The following CDH20 variants were observed in gnomAD, a reference collection of about 807,000 sequenced individuals.
CDH20 encodes cadherin-20.
CDH20 carries 29 observed loss-of-function variants against 74.2 expected under a neutral mutation model. The ratio of observed to expected loss-of-function variants is 0.39; its 90% CI spans 0.29 to 0.53. The LOEUF (loss-of-function observed/expected upper bound fraction) is 0.53. Ranked by LOEUF, CDH20 falls within the 20% of genes least tolerant of loss-of-function variation. The pLI is 0.69. For synonymous variants in CDH20, 469 were observed against 405.4 expected (o/e 1.16, Z -1.88); for missense variants, 988 against 1,048.3 (o/e 0.94, Z 0.79).
intron 1 of CDH20, among the ~76,000 whole-genome samples, chr18:61,435,077 A>T (rs929738875): frequency 6.6e-6 from 1 of 152,100 alleles, no homozygotes; most frequent in Non-Finnish European, 1.5e-5. Context: ...TTCTCACTAA[A>T]TCTTCACAAT....
intron 1 of CDH20, among the ~76,000 whole-genome samples, chr18:61,449,461 C>T (rs1909309984): frequency 6.6e-6 from 1 of 152,048 alleles, no homozygotes; most frequent in Admixed American, 6.6e-5. Context: ...CTCTGATTCT[C>T]ACATGGTTAA....
chr18:61,448,148 A>G (rs756427520), intron 1 of CDH20, among the ~76,000 whole-genome samples: 3 of 152,206 alleles, frequency 2.0e-5, no homozygotes, highest in Non-Finnish European at 2.9e-5. Context: ...AGAGAACACA[A>G]TGCTTGGCCT....
chr18:61,547,240 A>ATCC (rs1176714198), intron 10 of CDH20, among the ~76,000 whole-genome samples: 1 of 151,968 alleles, frequency 6.6e-6, no homozygotes, highest in Non-Finnish European at 1.5e-5. Context: ...AGGTGGGAGG[A>ATCC]TCATTTGAGC....
Position 61,434,828 on chromosome 18 carries a change from A to G in CDH20, c.-152-55574A>G, listed in dbSNP as rs75055984. ...ATGATGCAGGAGGACATTTTGACCC[A>G]TAAAGTGAATGTTAATTGAATTATT... On this transcript the variant is annotated intron_variant, in intron 1 of 11. Transcript: ENST00000262717. Among the ~76,000 whole-genome samples, 354 of 152,314 alleles carry G rather than the reference A, an allele frequency of 2.3e-3. 2 individuals are homozygous for G. The highest frequency in any genetic ancestry group is 8.1e-3 in the African/African-American group (337 of 41,580).
chr18:61,494,844 T>G (rs1298540575), intron 2 of CDH20, among the ~76,000 whole-genome samples: 1 of 152,164 alleles, frequency 6.6e-6, no homozygotes, highest in Non-Finnish European at 1.5e-5. Flanking sequence ...AACAACTACA[T>G]GGAAGCTGCC....
At chr18:61,379,579 T>A (rs1328218705) in intron 1 of CDH20, among the ~76,000 whole-genome samples, 1 of 152,216 alleles carries the variant, frequency 6.6e-6, no homozygotes, top group East Asian at 1.9e-4. Flanking sequence ...TATTAACTGA[T>A]AATTTTTGGT....
At chr18:61,491,280 AG>A (rs1910952357) in intron 2 of CDH20, among the ~76,000 whole-genome samples, 1 of 152,152 alleles carries the variant, frequency 6.6e-6, no homozygotes, top group South Asian at 2.1e-4. Context: ...GCTTTAGGAT[AG>A]TTGGAGACAA....
rs1157651588 is a variant in CDH20 at position 61,333,517 on chromosome 18, C to T, written c.-463C>T. ...CGGTGACCGCGACCAGGGGGCTCTT[C>T]TCACTGGACAGGCCGAACGCGGTGG... is the stretch of plus-strand genomic sequence containing the variant. On this transcript the variant is annotated 5_prime_UTR_variant, in exon 1 of 12. Transcript: ENST00000262717. The T allele has an allele frequency of 2.0e-5, 3 of 152,388 alleles. No homozygotes were observed. The highest frequency in any genetic ancestry group is 2.9e-5 in the Non-Finnish European group (2 of 68,186). The allele number at this position is 152,388 out of a possible 1,614,324, so 9.4% of individuals were successfully genotyped here.
chr18:61,442,464 C>T (rs565794476), intron 1 of CDH20, among the ~76,000 whole-genome samples: 16 of 151,890 alleles, frequency 1.1e-4, no homozygotes, highest in Non-Finnish European at 1.8e-4. Context: ...AGAACTTTAC[C>T]TAAGTCTGGC....
chr18:61,380,758 G>A (rs768360499), intron 1 of CDH20, among the ~76,000 whole-genome samples: 3 of 152,144 alleles, frequency 2.0e-5, no homozygotes, highest in Non-Finnish European at 4.4e-5. Context: ...GCAGTGAGCC[G>A]AGATCGTGCC....
At chr18:61,506,571 A>C (rs1243245239) in intron 5 of CDH20, among the ~76,000 whole-genome samples, 2 of 152,238 alleles carry the variant, frequency 1.3e-5, no homozygotes, top group African/African-American at 2.4e-5. Flanking sequence ...CAAAATAACA[A>C]AAAACGTCAA....
intron 10 of CDH20, 39 bp from the exon 11 acceptor site, chr18:61,549,939 C>T (rs72995672): frequency 0.02 from 32,204 of 1,593,096 alleles, 1,216 homozygotes; most frequent in African/African-American, 0.16. Flanking sequence ...AATTAATTCA[C>T]CTTCCCTTTT....
intron 6 of CDH20, among the ~76,000 whole-genome samples, chr18:61,508,337 T>C (rs1181516611): frequency 6.6e-6 from 1 of 152,170 alleles, no homozygotes; most frequent in African/African-American, 2.4e-5. Context: ...TCATGGAGTT[T>C]ACATTCTAGC....
intron 1 of CDH20, among the ~76,000 whole-genome samples, chr18:61,487,990 C>A (rs2144291280): frequency 6.6e-6 from 1 of 151,558 alleles, no homozygotes. Context: ...CTACAACCAG[C>A]CAGAGAAAAT....
intron 10 of CDH20, among the ~76,000 whole-genome samples, chr18:61,549,643 GTTC>G (rs1284490047): frequency 6.6e-6 from 1 of 152,144 alleles, no homozygotes; most frequent in Non-Finnish European, 1.5e-5. Flanking sequence ...ACCAGTGATT[GTTC>G]TTTTCTGTCA....
At position 61,499,298 on chromosome 18, in the gene CDH20, A is replaced by G; in HGVS notation, c.359A>G (p.Gln120Arg). The stretch of plus-strand genomic sequence containing the variant: ...ACCACTGGAGACATCCACGCCATTC[A>G]GAGGCTCGACCGAGAGGAAAGAGCC... ...DDTTGDIHAI[Q>R]RLDREERAQY... Residue 120 changes from glutamine (Q) to arginine (R), a missense_variant, in exon 3 of 12, where the codon CAG becomes CGG. Coordinates refer to ENST00000262717, the MANE Select transcript of CDH20 (RefSeq NM_031891.4). 1 of 1,614,066 alleles carries G rather than the reference A, an allele frequency of 6.2e-7. No homozygotes were observed. The highest frequency in any genetic ancestry group is 2.2e-5 in the East Asian group (1 of 44,872).
At chr18:61,422,180 C>T (rs1912905453) in intron 1 of CDH20, among the ~76,000 whole-genome samples, 1 of 152,120 alleles carries the variant, frequency 6.6e-6, no homozygotes, top group Admixed American at 6.5e-5. Flanking sequence ...ATTTCCTACA[C>T]AAGCTTAAAG....
chr18:61,465,285 C>T lies in CDH20; in HGVS notation c.-152-25117C>T, dbSNP rs1909922281. Among the ~76,000 whole-genome samples the T allele has an allele frequency of 2.6e-5, 4 of 152,174 alleles. No homozygotes were observed. In the South Asian group the frequency reaches 8.3e-4, roughly 32 times the overall value. ...AAAACCAAAAAAAAGCAAAGAACAG[C>T]ACCAAATCTATTAACTCTAGTCATT... is the stretch of plus-strand genomic sequence containing the variant. On this transcript the variant is annotated intron_variant, in intron 1 of 11. Coordinates refer to ENST00000262717, the MANE Select transcript of CDH20 (RefSeq NM_031891.4).
intron 1 of CDH20, among the ~76,000 whole-genome samples, chr18:61,429,525 C>G (rs1913182096): frequency 6.6e-6 from 1 of 152,186 alleles, no homozygotes; most frequent in Non-Finnish European, 1.5e-5. Flanking sequence ...CCCATGACTT[C>G]AGCTCCGAAG....
Sources: gnomAD v4.1 joint callset for allele counts (sites outside exome capture counted in the v4.1 genomes callset) on GRCh38, gnomAD v4.1.1 for gene constraint, MANE v1.5 for transcripts, NCBI Gene and HGNC (gene_info 2026-07-23, HGNC 2026-07-21) for gene names.